The following C5orf47 variants were observed in gnomAD, a reference collection of about 807,000 sequenced individuals.
C5orf47 encodes the protein uncharacterized protein C5orf47.
In C5orf47, 20 loss-of-function variants were observed where a neutral mutation model predicts 20.6. The ratio of observed to expected loss-of-function variants is 0.97; its 90% CI spans 0.68 to 1.41. The LOEUF is 1.41. Among genes scored for constraint, C5orf47 ranks in the 40% most tolerant of loss-of-function variants. C5orf47 has a pLI of 0.00. For missense variants in C5orf47, 262 were observed against 238.4 expected (o/e 1.10, Z -0.65); for synonymous variants, 106 against 97.3 (o/e 1.09, Z -0.53).
chr5:173,998,071 C>G, intron 1 of C5orf47, 82 bp from the exon 2 acceptor site: 1 of 832,744 alleles, frequency 1.2e-6, no homozygotes, highest in Non-Finnish European at 1.9e-6. Context: ...AAGGAGACCT[C>G]AAGAAACATT....
At chr5:174,008,638 T>C (rs1581200897), downstream of C5orf47, among the ~76,000 whole-genome samples, 1 of 151,706 alleles carries the variant, frequency 6.6e-6, no homozygotes, top group Admixed American at 6.6e-5. Context: ...CGAGACCATC[T>C]TGGCTAACAC....
At chr5:173,999,832 G>T in intron 3 of C5orf47, 33 bp downstream of exon 3, 2 of 1,170,634 alleles carry the variant, frequency 1.7e-6, no homozygotes, top group Non-Finnish European at 2.5e-6. Flanking sequence ...GTATTAAAAA[G>T]ACTGGCCTCT....
chr5:173,989,831 C>A (rs969647932), intron 1 of C5orf47, among the ~76,000 whole-genome samples: 1 of 152,214 alleles, frequency 6.6e-6, no homozygotes, highest in African/African-American at 2.4e-5. Context: ...TTACGGCCCC[C>A]TCACGGAGGC....
At chr5:174,001,981 G>T in intron 4 of C5orf47, among the ~76,000 whole-genome samples, 1 of 149,294 alleles carries the variant, frequency 6.7e-6, no homozygotes, top group Non-Finnish European at 1.5e-5. Context: ...AAGAGACAGG[G>T]TTTTACTCTG....
chr5:174,008,025 A>G (rs956465463), downstream of C5orf47, among the ~76,000 whole-genome samples: 2 of 152,202 alleles, frequency 1.3e-5, no homozygotes, highest in East Asian at 1.9e-4. Flanking sequence ...TGTGCTCCCA[A>G]GGGTGGAAGA....
chr5:173,993,582 T>G (rs1436698505), intron 1 of C5orf47, among the ~76,000 whole-genome samples: 1 of 152,174 alleles, frequency 6.6e-6, no homozygotes, highest in Non-Finnish European at 1.5e-5. Context: ...AGGCGGAGGT[T>G]GCAGTGAGCT....
rs563313286 is a variant in C5orf47 at position 173,994,029 on chromosome 5, G to A, written c.326-4124G>A. 5.3e-5 allele frequency among the ~76,000 whole-genome samples: 8 copies of A among 152,316 alleles called. No homozygotes were observed. The South Asian group carries it at 1.0e-3, about 20-fold the overall frequency. The stretch of plus-strand genomic sequence containing the variant: ...TCTGTGTTCTGCAGGTTGTGGAAGC[G>A]TTTTCCTTGCAAAAAGTTGTCCAGA... On this transcript the variant is annotated intron_variant, in intron 1 of 4. Transcript: ENST00000340147.
chr5:173,999,676 C>G (rs1759161451), intron 2 of C5orf47, 24 bp from the exon 3 acceptor site: 1 of 1,191,368 alleles, frequency 8.4e-7, no homozygotes, highest in Admixed American at 2.6e-5. Context: ...CTCAGCATTC[C>G]TTTACTGTGC....
rs1405115444 is a variant in C5orf47 at position 173,999,554 on chromosome 5, G to C, written c.412-146G>C. 24 of 402,320 alleles carry C rather than the reference G, an allele frequency of 6.0e-5. No individual in the cohort carries two copies. In the East Asian group the frequency reaches 9.2e-4, roughly 16 times the overall value. The allele number at this position is 402,320 out of a possible 1,614,324, so 24.9% of individuals were successfully genotyped here. On this transcript the variant is annotated intron_variant, in intron 2 of 4. Coordinates refer to ENST00000340147, the MANE Select transcript of C5orf47 (RefSeq NM_001144954.2). ...GATCGTGGGTAAACAATTACACTTA[G>C]GTTTTAGTTCTCTAAATGCTAATAT...
At chr5:174,000,992 C>T (rs1051056125) in intron 3 of C5orf47, among the ~76,000 whole-genome samples, 2 of 152,102 alleles carry the variant, frequency 1.3e-5, no homozygotes, top group Admixed American at 1.3e-4. Context: ...ACTTAATATG[C>T]TGTGTTTTCC....
intron 4 of C5orf47, 112 bp downstream of exon 4, chr5:174,001,343 A>G (rs1759193506): frequency 1.5e-6 from 1 of 646,614 alleles, no homozygotes; most frequent in African/African-American, 1.9e-5. Flanking sequence ...ATTCCAGCCT[A>G]TTTCCTTTCT....
At position 174,005,230 on chromosome 5, in the gene C5orf47, GA is replaced by G. The variant is rs1328366316; in HGVS notation, c.*977del. On this transcript the variant is annotated 3_prime_UTR_variant, in exon 5 of 5. Coordinates refer to ENST00000340147, the MANE Select transcript of C5orf47 (RefSeq NM_001144954.2). Reference sequence around the variant, plus strand: ...GAGTGACAGGTACTTTTATATCCAGGATGATTACAGTGATGACATCCATTCT... The same window carrying G: ...GAGTGACAGGTACTTTTATATCCAGGTGATTACAGTGATGACATCCATTCT... 6.6e-6 allele frequency: 1 copy of G among 152,100 alleles called. No homozygotes were observed. The highest frequency in any genetic ancestry group is 1.5e-5 in the Non-Finnish European group (1 of 68,010). The allele number at this position is 152,100 out of a possible 1,614,324, so 9.4% of individuals were successfully genotyped here. A position where few individuals can be genotyped will look rare whatever the true frequency, so the allele number is the denominator to read the frequency against.
chr5:173,990,657 C>A (rs1261645210), intron 1 of C5orf47, among the ~76,000 whole-genome samples: 1 of 151,972 alleles, frequency 6.6e-6, no homozygotes, highest in Non-Finnish European at 1.5e-5. Context: ...AGGTTGATCT[C>A]GAAATCTTGA....
chr5:174,006,733 G>T (rs974143059), downstream of C5orf47, among the ~76,000 whole-genome samples: 1 of 152,136 alleles, frequency 6.6e-6, no homozygotes, highest in African/African-American at 2.4e-5. Flanking sequence ...ATTTTAGGGA[G>T]AATGCCGAGT....
chr5:174,001,123 T>G (rs183747410), intron 3 of C5orf47, 73 bp from the exon 4 acceptor site: 1 of 858,884 alleles, frequency 1.2e-6, no homozygotes, highest in Non-Finnish European at 1.9e-6. Flanking sequence ...TATTCCATAA[T>G]GTATATTTAT....
intron 1 of C5orf47, among the ~76,000 whole-genome samples, chr5:173,990,669 C>G (rs1168687944): frequency 6.6e-6 from 1 of 150,762 alleles, no homozygotes; most frequent in Non-Finnish European, 1.5e-5. Context: ...AAATCTTGAC[C>G]TCAGGTGATC....
rs11390280 is a variant in C5orf47 at position 173,990,308 on chromosome 5, C to CGG, written c.325+726_325+727dup. On this transcript the variant is annotated intron_variant, in intron 1 of 4. Transcript: ENST00000340147. ...TTTTATCTTTTGTAGACATGGGGGG[C>CGG]GGGGGGGTCTCCCTGTGTTACCCAG... Among the ~76,000 whole-genome samples the CGG allele has an allele frequency of 2.2e-3, 152 of 69,578 alleles. 1 individual carries two copies. Among genetic ancestry groups the CGG allele is most frequent in the Middle Eastern group, 6.9e-3 (1 of 144 alleles). 45.6% of individuals were successfully genotyped at this position (69,578 alleles called of 152,430 possible).
At chr5:173,990,087 G>T (rs546019011) in intron 1 of C5orf47, among the ~76,000 whole-genome samples, 1 of 151,216 alleles carries the variant, frequency 6.6e-6, no homozygotes, top group South Asian at 2.1e-4. Context: ...TTCTTTTTAC[G>T]AAATGCCCTC....
intron 4 of C5orf47, among the ~76,000 whole-genome samples, chr5:174,001,833 TA>T (rs1323078716): frequency 6.6e-6 from 1 of 152,178 alleles, no homozygotes; most frequent in Non-Finnish European, 1.5e-5. Context: ...ATATTACCCT[TA>T]AATCTCATCC....
Sources: allele counts gnomAD v4.1 joint callset (sites outside exome capture counted in the v4.1 genomes callset), GRCh38; gene constraint gnomAD v4.1.1; transcripts MANE v1.5; gene names NCBI Gene and HGNC (gene_info 2026-07-23, HGNC 2026-07-21).